Variants in SHANK1 observed in about 807,000 individuals in gnomAD.
SHANK1 encodes SH3 and multiple ankyrin repeat domains 1.
Under a neutral mutation model 165.6 loss-of-function variants are expected in SHANK1, and 35 were observed. The ratio of observed to expected loss-of-function variants is 0.21; its 90% confidence interval spans 0.16 to 0.28. SHANK1 has a LOEUF of 0.28. Ranked by LOEUF, SHANK1 falls within the 10% of genes least tolerant of loss-of-function variation. The probability of loss-of-function intolerance (pLI) is 1.00; values close to 1 mark genes in which losing one functional copy is unlikely to be tolerated. For synonymous variants in SHANK1, 1,428 were observed against 1,384.8 expected (o/e 1.03, Z -0.69); for missense variants, 2,681 against 3,036.4 (o/e 0.88, Z 2.75).
Position 50,666,964 on chromosome 19 carries a change from C to T in SHANK1, c.4996G>A (p.Asp1666Asn). 1 of 1,589,210 alleles carries T rather than the reference C, an allele frequency of 6.3e-7. No homozygotes were observed. The highest frequency in any genetic ancestry group is 8.6e-7 in the Non-Finnish European group (1 of 1,166,674). The change falls in exon 23 of 24, where the codon GAC becomes AAC. Residue 1666 changes from aspartate (D) to asparagine (N), a missense_variant. Physicochemically the swap from Asp to Asn is conservative, Grantham distance 23. Around this residue, in one of 10 missense-constraint regions of SHANK1, gnomAD observed 1,713 missense variants for 1,630.2 expected, o/e 1.05. Transcript: ENST00000293441. ...PAPAAPQPGP[D>N]PPPGTDSGIE... ...CCAGAATCCGTGCCAGGCGGAGGGT[C>T]CGGGCCAGGCTGTGGGGCAGCGGGA... is the stretch of plus-strand genomic sequence containing the variant.
At chr19:50,678,407 G>A (rs2123109129) in intron 21 of SHANK1, among the ~76,000 whole-genome samples, 1 of 152,038 alleles carries the variant, frequency 6.6e-6, no homozygotes, top group South Asian at 2.1e-4. Context: ...CACCTGCATG[G>A]GGCACGGGGG....
At chr19:50,705,937 G>A (rs1401100571) in intron 8 of SHANK1, among the ~76,000 whole-genome samples, 1 of 152,032 alleles carries the variant, frequency 6.6e-6, no homozygotes, top group Non-Finnish European at 1.5e-5. Context: ...AGGGAGGATC[G>A]CTTGAGCCCA....
In SHANK1 at chr19:50,686,899, C is replaced by CG; in HGVS notation, c.2390-88dup. ...GGCCTGTGGGCGTGGCCAGCAGGTG[C>CG]GGGCCAGTGGGCGTGGCGGGCGCGA... On this transcript the variant is annotated intron_variant, in intron 19 of 23. Transcript: ENST00000293441. This position sits in a 1 kb window ranked among gnomAD's most constrained non-coding sequence, Gnocchi z 5.7. 5 of 1,503,802 alleles carry CG rather than the reference C, an allele frequency of 3.3e-6. No homozygotes were observed. Among genetic ancestry groups the CG allele is most frequent in the Admixed American group, 2.0e-5 (1 of 50,930 alleles). 93.2% of individuals were successfully genotyped at this position (1,503,802 alleles called of 1,614,324 possible).
chr19:50,710,381 G>T (rs1032600838), intron 8 of SHANK1, among the ~76,000 whole-genome samples: 6 of 152,290 alleles, frequency 3.9e-5, no homozygotes, highest in Middle Eastern at 6.8e-3. Context: ...CTGGAGGAAG[G>T]GGGCTGACAG....
intron 12 of SHANK1, among the ~76,000 whole-genome samples, chr19:50,699,183 G>A (rs955934346): frequency 1.1e-4 from 17 of 152,340 alleles, no homozygotes; most frequent in African/African-American, 3.8e-4. Flanking sequence ...AGGGGACTGG[G>A]TTCTTGGCTG....
Position 50,700,091 on chromosome 19 carries a change from T to C in SHANK1, c.1748-2135A>G, listed in dbSNP as rs139070455. On this transcript the variant is annotated intron_variant, in intron 12 of 23. Coordinates refer to ENST00000293441, the MANE Select transcript of SHANK1 (RefSeq NM_016148.5). ...TCAGGGCATTGGAGGATTGGAGGGA[T>C]CGGGGCATTGGGGGATTGGAGGGCT... Among the ~76,000 whole-genome samples the C allele has an allele frequency of 3.0e-3, 370 of 124,052 alleles. 6 individuals carry two copies. Among genetic ancestry groups the C allele is most frequent in the Admixed American group, 4.5e-3 (54 of 12,122 alleles). 81.4% of individuals were successfully genotyped at this position (124,052 alleles called of 152,430 possible). A position where few individuals can be genotyped will look rare whatever the true frequency, so the allele number is the denominator to read the frequency against.
In SHANK1 at chr19:50,686,795, C is replaced by T. The variant is rs1317528068; in HGVS notation, c.2407G>A (p.Ala803Thr). ...TTTTTCTCCATGCTGGGCACCGGCGCCGGCTGCTGCTCGTACTCTGTGGGC... is the reference window on the plus strand; with the variant it reads ...TTTTTCTCCATGCTGGGCACCGGCGTCGGCTGCTGCTCGTACTCTGTGGGC... The part of the protein sequence containing the change: ...LEEMEYEQQP[A>T]PVPSMEKKRT... Residue 803 changes from alanine to threonine, a missense_variant, in exon 20 of 24, where the codon GCG becomes ACG. Physicochemically the swap from Ala to Thr is moderately conservative, Grantham distance 58 (BLOSUM62 0). Coordinates refer to ENST00000293441, the MANE Select transcript of SHANK1 (RefSeq NM_016148.5). The surrounding 1 kb of genome is among the most constrained non-coding windows in gnomAD (Gnocchi z 5.7). The T allele has an allele frequency of 6.2e-7, 1 of 1,613,808 alleles. No homozygotes were observed. The highest frequency in any genetic ancestry group is 2.2e-5 in the East Asian group (1 of 44,848).
rs1568442066 is a variant in SHANK1, at chr19:50,703,786, GC to G, written c.1266del (p.Pro424GlnfsTer5). On this transcript the variant is annotated frameshift_variant, in exon 11 of 24. Coordinates refer to ENST00000293441, the MANE Select transcript of SHANK1 (RefSeq NM_016148.5). LOFTEE classifies it high-confidence loss of function. ...GGCACCGTCAGCCCTGTGCCTGGGG[GC>G]CCCCGTCGCCGGGCCGCGTACTTGG... Reference protein sequence around the residue: ...ESPKYAARRRGPPGTGLTVPP... With the variant: ...ESPKYAARRRXPPGTGLTVPP... The G allele has an allele frequency of 1.4e-6, 2 of 1,428,314 alleles. No individual in the cohort carries two copies. The highest frequency in any genetic ancestry group is 1.4e-5 in the African/African-American group (1 of 69,154). 88.5% of individuals were successfully genotyped at this position (1,428,314 alleles called of 1,614,324 possible).
At chr19:50,666,000 A>C (rs1985488973) in intron 23 of SHANK1, among the ~76,000 whole-genome samples, 192 bp downstream of exon 23, 1 of 151,488 alleles carries the variant, frequency 6.6e-6, no homozygotes, top group Non-Finnish European at 1.5e-5. Flanking sequence ...AACAAGAGTG[A>C]AACTCCCTCT....
Position 50,716,629 on chromosome 19 carries a change from C to T in SHANK1, c.255+36G>A, listed in dbSNP as rs758723302. 3.9e-6 allele frequency: 6 copies of T among 1,550,918 alleles called. No homozygotes were observed. In the South Asian group the frequency reaches 6.2e-5, roughly 16 times the overall value. On this transcript the variant is annotated intron_variant, in intron 2 of 23. Transcript: ENST00000293441. The surrounding 1 kb of genome is among the most constrained non-coding windows in gnomAD (Gnocchi z 8.4). ...CTCCCCATGTCGGTTGGGGCACTGT[C>T]CCTCTCCTGCCGCTGGCCAGTGGGC...
chr19:50,704,319 T>C, intron 9 of SHANK1, 118 bp downstream of exon 9: 2 of 1,310,908 alleles, frequency 1.5e-6, no homozygotes, highest in South Asian at 1.2e-5. Context: ...TTCTTCCAGC[T>C]CCCCCTCCAC....
chr19:50,695,935 G>T (rs936426773), intron 15 of SHANK1, among the ~76,000 whole-genome samples: 6 of 152,170 alleles, frequency 3.9e-5, no homozygotes, highest in Admixed American at 3.3e-4. Context: ...CCCAGCTCCG[G>T]CAGGGAGGCT....
Position 50,697,548 on chromosome 19 carries a change from T to C in SHANK1, c.1937+41A>G, listed in dbSNP as rs1420035536. On this transcript the variant is annotated intron_variant, in intron 14 of 23. Transcript: ENST00000293441. This position sits in a 1 kb window ranked among gnomAD's most constrained non-coding sequence, Gnocchi z 4.7. ...TAAAGGTGTACATTGTGAAGGGAAC[T>C]TGGGGTGAGGGGGGTTGCCCGAGGG... 1.4e-6 allele frequency: 2 copies of C among 1,452,138 alleles called. No homozygotes were observed. The highest frequency in any genetic ancestry group is 3.3e-5 in the Admixed American group (2 of 59,790). 90.0% of individuals were successfully genotyped at this position (1,452,138 alleles called of 1,614,324 possible).
chr19:50,696,127 T>C (rs1986731389), intron 15 of SHANK1, among the ~76,000 whole-genome samples: 1 of 148,810 alleles, frequency 6.7e-6, no homozygotes, highest in Non-Finnish European at 1.5e-5. Context: ...CAAGACAGAG[T>C]AGAAGGAGGA....
Position 50,667,107 on chromosome 19 carries a change from T to G in SHANK1, c.4853A>C (p.Asp1618Ala). The G allele has an allele frequency of 1.3e-6, 2 of 1,552,858 alleles. No homozygotes were observed. Among genetic ancestry groups the G allele is most frequent in the Non-Finnish European group, 1.7e-6 (2 of 1,155,942 alleles). The change falls in exon 23 of 24, where the codon GAC (aspartate) becomes GCC (alanine). Residue 1618 changes from aspartate to alanine, a missense_variant. Physicochemically the swap from Asp to Ala is moderately radical, Grantham distance 126. This residue lies in a region of SHANK1 where 1,713 missense variants were observed against 1,630.2 expected (regional missense o/e 1.05). Transcript: ENST00000293441. The surrounding 1 kb of genome is among the most constrained non-coding windows in gnomAD (Gnocchi z 5.7). The stretch of plus-strand genomic sequence containing the variant: ...GGATGTCAGGCTGGATGCGGTGGAG[T>G]CCAGGGTGGGAGGGGCTGCGGCCAC... The part of the protein sequence containing the change: ...PAVAAAPPTL[D>A]STASSLTSYD...
intron 12 of SHANK1, among the ~76,000 whole-genome samples, chr19:50,699,755 G>GATTGGATGGCTTGGGCC (rs1986847083): frequency 4.0e-5 from 6 of 150,876 alleles, no homozygotes; most frequent in Admixed American, 4.0e-4. Context: ...GCACTGGGAG[G>GATTGGATGGCTTGGGCC]ATTGGATGGC....
rs918261513 is a variant in SHANK1, at chr19:50,686,461, G to C, written c.2459-106C>G. ...CCGCCCGCAGTTCATCCAGCACCTG[G>C]ATCAACCAGGAAAGGGCAGCCCTGC... On this transcript the variant is annotated intron_variant, in intron 20 of 23. Coordinates refer to ENST00000293441, the MANE Select transcript of SHANK1 (RefSeq NM_016148.5). This position sits in a 1 kb window ranked among gnomAD's most constrained non-coding sequence, Gnocchi z 5.7. 1.2e-6 allele frequency: 1 copy of C among 860,658 alleles called. No individual in the cohort carries two copies. The highest frequency in any genetic ancestry group is 1.8e-6 in the Non-Finnish European group (1 of 542,234). The allele number at this position is 860,658 out of a possible 1,614,324, so 53.3% of individuals were successfully genotyped here.
At chr19:50,674,140 A>G (rs1423050791) in intron 21 of SHANK1, among the ~76,000 whole-genome samples, 2 of 150,428 alleles carry the variant, frequency 1.3e-5, no homozygotes, top group African/African-American at 2.5e-5. Flanking sequence ...CCTAAGGTTC[A>G]TGGAAGTCAT....
At chr19:50,703,350 C>T in intron 11 of SHANK1, 150 bp downstream of exon 11, 1 of 659,696 alleles carries the variant, frequency 1.5e-6, no homozygotes, top group South Asian at 1.9e-5. Context: ...ACAGTAGCTC[C>T]CAAGGCCTTG....
Sources: allele counts gnomAD v4.1 joint callset (sites outside exome capture counted in the v4.1 genomes callset), GRCh38; gene constraint gnomAD v4.1.1; regional missense constraint gnomAD v4.1.1; non-coding constraint Gnocchi (gnomAD v3.1); transcripts MANE v1.5; gene names NCBI Gene and HGNC (gene_info 2026-07-23, HGNC 2026-07-21).